Variants in ITPKB observed in about 807,000 individuals in gnomAD.
The protein encoded by ITPKB is IP3 3-kinase B.
ITPKB carries 13 observed loss-of-function variants against 69.4 expected under a neutral mutation model. The observed-to-expected ratio is 0.19, with a 90% CI of 0.12 to 0.30. ITPKB has a LOEUF of 0.30. Ranked by LOEUF, ITPKB falls within the 10% of genes least tolerant of loss-of-function variation. ITPKB has a pLI of 1.00. For missense variants in ITPKB, 1,240 were observed against 1,250.5 expected (o/e 0.99, Z 0.13); for synonymous variants, 584 against 513.7 (o/e 1.14, Z -1.85).
In ITPKB at chr1:226,673,040, G is replaced by A. The variant is rs561884214; in HGVS notation, c.1933-24269C>T. On this transcript the variant is annotated intron_variant, in intron 2 of 7. Transcript: ENST00000429204. The stretch of plus-strand genomic sequence containing the variant: ...TGGTGAAGACACTCTAAAATGCACC[G>A]AGTGTATGACAAGGACAATCTTCTG... Among the ~76,000 whole-genome samples the A allele has an allele frequency of 1.3e-4, 20 of 152,182 alleles. No individual in the cohort carries two copies. The South Asian group carries it at 2.9e-3, about 22-fold the overall frequency.
chr1:226,694,949 A>G (rs1656441486), intron 2 of ITPKB, among the ~76,000 whole-genome samples: 1 of 152,228 alleles, frequency 6.6e-6, no homozygotes, highest in Non-Finnish European at 1.5e-5. Context: ...GCTGGAAGGT[A>G]TTGGGCACCG....
chr1:226,734,731 A>G (rs1456165252), intron 2 of ITPKB, among the ~76,000 whole-genome samples: 3 of 152,216 alleles, frequency 2.0e-5, no homozygotes, highest in East Asian at 1.9e-4. Flanking sequence ...CCAGAACAAG[A>G]TGTCAGTGTG....
intron 2 of ITPKB, among the ~76,000 whole-genome samples, chr1:226,677,934 T>C (rs139471562): frequency 4.2e-4 from 64 of 152,344 alleles, no homozygotes; most frequent in South Asian, 2.1e-3. Context: ...TTCACCTTCA[T>C]GCATCTTGTA....
intron 2 of ITPKB, among the ~76,000 whole-genome samples, chr1:226,650,938 G>A (rs1669178155): frequency 1.3e-5 from 2 of 152,182 alleles, no homozygotes; most frequent in African/African-American, 4.8e-5. Flanking sequence ...CAACAGCAAT[G>A]GCCCCTCCGA....
Position 226,738,990 on chromosome 1 carries a change from G to C in ITPKB, c.-206+51C>G, listed in dbSNP as rs1172496750. On this transcript the variant is annotated intron_variant, in intron 1 of 7. Coordinates refer to ENST00000429204, the MANE Select transcript of ITPKB (RefSeq NM_002221.4). The surrounding 1 kb of genome is among the most constrained non-coding windows in gnomAD (Gnocchi z 4.2). ...ATTCGCTCCAGAGCAGAAAGTGAGGGAAAAGAGGGTTGTTCAGAGGCGAGA... is the reference window on the plus strand; with the variant it reads ...ATTCGCTCCAGAGCAGAAAGTGAGGCAAAAGAGGGTTGTTCAGAGGCGAGA... 1 of 152,278 alleles carries C rather than the reference G, an allele frequency of 6.6e-6. No individual in the cohort carries two copies. The highest frequency in any genetic ancestry group is 1.5e-5 in the Non-Finnish European group (1 of 68,100). 9.4% of individuals were successfully genotyped at this position (152,278 alleles called of 1,614,324 possible).
intron 2 of ITPKB, among the ~76,000 whole-genome samples, chr1:226,702,289 C>T (rs1055510318): frequency 6.6e-6 from 1 of 151,374 alleles, no homozygotes; most frequent in African/African-American, 2.4e-5. Context: ...CCCAGCTACT[C>T]GGGAGACTGA....
intron 2 of ITPKB, among the ~76,000 whole-genome samples, chr1:226,654,046 G>A (rs1250841991): frequency 6.6e-6 from 1 of 152,154 alleles, no homozygotes; most frequent in Non-Finnish European, 1.5e-5. Context: ...GAGAAATGTG[G>A]AAAGAAAGGA....
intron 2 of ITPKB, among the ~76,000 whole-genome samples, chr1:226,683,563 AG>A (rs781603842): frequency 2.0e-5 from 3 of 152,060 alleles, no homozygotes; most frequent in Non-Finnish European, 2.9e-5. Flanking sequence ...CCCATGTCAA[AG>A]GCCCTCCTGC....
Position 226,642,171 on chromosome 1 carries a change from G to C in ITPKB, c.2247-46C>G. 6.7e-7 allele frequency: 1 copy of C among 1,500,554 alleles called. No homozygotes were observed. Among genetic ancestry groups the C allele is most frequent in the Non-Finnish European group, 9.2e-7 (1 of 1,092,354 alleles). The allele number at this position is 1,500,554 out of a possible 1,614,324, so 93.0% of individuals were successfully genotyped here. On this transcript the variant is annotated intron_variant, in intron 4 of 7. Transcript: ENST00000429204. The surrounding 1 kb of genome is among the most constrained non-coding windows in gnomAD (Gnocchi z 6.4). ...CATGAGGGCCGAGGCCTGGGGCAGG[G>C]CTCACCAGCAGCTCCTTTCCTGCCT...
At chr1:226,733,791 G>A (rs556545254) in intron 2 of ITPKB, among the ~76,000 whole-genome samples, 4 of 152,234 alleles carry the variant, frequency 2.6e-5, no homozygotes, top group South Asian at 2.1e-4. Context: ...AAATGGCATC[G>A]TTCTGGCAAA....
At chr1:226,694,194 A>C (rs1656423351) in intron 2 of ITPKB, among the ~76,000 whole-genome samples, 2 of 152,372 alleles carry the variant, frequency 1.3e-5, no homozygotes, top group Admixed American at 1.3e-4. Flanking sequence ...CAGGATACAA[A>C]ATCAGGAAGA....
rs774108669 is a variant in ITPKB at position 226,736,996 on chromosome 1, G to T, written c.463C>A (p.Gln155Lys). The T allele has an allele frequency of 1.9e-6, 3 of 1,612,740 alleles. No individual in the cohort carries two copies. In the African/African-American group the frequency reaches 4.0e-5, roughly 22 times the overall value. The change falls in exon 2 of 8, where the codon CAG becomes AAG. Residue 155 changes from glutamine to lysine, a missense_variant. Gln to Lys is a moderately conservative substitution (Grantham distance 53). Coordinates refer to ENST00000429204, the MANE Select transcript of ITPKB (RefSeq NM_002221.4). Reference protein sequence around the residue: ...QKVGMFEAHIQAQSSAIQAPR... With the variant: ...QKVGMFEAHIKAQSSAIQAPR... ...GCTTGAATGGCGGAGCTCTGTGCCTGGATGTGCGCCTCAAACATGCCCACT... is the reference window on the plus strand; with the variant it reads ...GCTTGAATGGCGGAGCTCTGTGCCTTGATGTGCGCCTCAAACATGCCCACT...
At position 226,639,553 on chromosome 1, in the gene ITPKB, T is replaced by C; in HGVS notation, c.2553+4A>G. The C allele has an allele frequency of 6.3e-7, 1 of 1,583,372 alleles. No homozygotes were observed. The highest frequency in any genetic ancestry group is 1.7e-4 in the Middle Eastern group (1 of 6,012). ...GAGACCCTCTCTGGAGGTGCCAGAC[T>C]CACCAGGATGTTATGGTTTCCTTTA... On this transcript the variant is annotated splice_donor_region_variant and intron_variant, in intron 6 of 7. Transcript: ENST00000429204.
intron 2 of ITPKB, among the ~76,000 whole-genome samples, chr1:226,700,841 C>T (rs1656620048): frequency 6.6e-6 from 1 of 152,130 alleles, no homozygotes; most frequent in Admixed American, 6.5e-5. Context: ...GAAGAGAACA[C>T]AAAAAGAGAT....
At chr1:226,685,952 G>C (rs951727699) in intron 2 of ITPKB, among the ~76,000 whole-genome samples, 1 of 152,164 alleles carries the variant, frequency 6.6e-6, no homozygotes, top group African/African-American at 2.4e-5. Context: ...CTGAGGATGG[G>C]GGAGGAAACG....
At chr1:226,709,290 G>T (rs1469307173) in intron 2 of ITPKB, among the ~76,000 whole-genome samples, 1 of 152,196 alleles carries the variant, frequency 6.6e-6, no homozygotes, top group Non-Finnish European at 1.5e-5. Context: ...CCCTGGCGAG[G>T]CACCAGGCTA....
At chr1:226,714,710 A>C (rs1657054536) in intron 2 of ITPKB, among the ~76,000 whole-genome samples, 1 of 152,208 alleles carries the variant, frequency 6.6e-6, no homozygotes, top group East Asian at 1.9e-4. Context: ...TCTCTTCTCC[A>C]CCACCCTAGG....
chr1:226,675,889 C>T (rs144806917), intron 2 of ITPKB, among the ~76,000 whole-genome samples: 20 of 152,324 alleles, frequency 1.3e-4, no homozygotes, highest in African/African-American at 2.4e-4. Context: ...CCTCAACCCA[C>T]CTTACTTGTA....
intron 4 of ITPKB, among the ~76,000 whole-genome samples, chr1:226,646,300 C>G (rs1329811731): frequency 6.6e-6 from 1 of 152,216 alleles, no homozygotes; most frequent in African/African-American, 2.4e-5. Flanking sequence ...GTTCACCAAG[C>G]CTGCACAGGG....
Sources: gnomAD v4.1 joint callset for allele counts (sites outside exome capture counted in the v4.1 genomes callset) on GRCh38, gnomAD v4.1.1 for gene constraint, Gnocchi (gnomAD v3.1) non-coding constraint, MANE v1.5 for transcripts, NCBI Gene and HGNC (gene_info 2026-07-23, HGNC 2026-07-21) for gene names.